Variants in ZNF385D observed in about 807,000 individuals in gnomAD.
The protein encoded by ZNF385D is zinc finger protein 385D, also known as zinc finger protein 659.
In ZNF385D, 15 loss-of-function variants were observed where a neutral mutation model predicts 35.8. That is an observed-to-expected ratio of 0.42 (90% CI 0.28 to 0.64). The LOEUF is 0.64. Among genes scored for constraint, ZNF385D ranks in the 30% least tolerant of loss-of-function variants. ZNF385D has a pLI of 0.23. For missense variants in ZNF385D, 474 were observed against 494.6 expected (o/e 0.96, Z 0.39); for synonymous variants, 212 against 186.8 (o/e 1.13, Z -1.10).
At chr3:22,044,659 C>A (rs1032145887) in intron 3 of ZNF385D, among the ~76,000 whole-genome samples, 3 of 151,980 alleles carry the variant, frequency 2.0e-5, no homozygotes, top group African/African-American at 7.3e-5. Flanking sequence ...ATACAGGGCA[C>A]AGATTTATCC....
intron 3 of ZNF385D, among the ~76,000 whole-genome samples, chr3:21,760,066 G>A (rs1281237531): frequency 6.6e-6 from 1 of 152,132 alleles, no homozygotes; most frequent in East Asian, 1.9e-4. Flanking sequence ...TGTGTAATGG[G>A]AAAACAAAAT....
At chr3:22,187,933 C>A (rs1157013298) in intron 2 of ZNF385D, among the ~76,000 whole-genome samples, 1 of 152,148 alleles carries the variant, frequency 6.6e-6, no homozygotes, top group Non-Finnish European at 1.5e-5. Flanking sequence ...ACACTCTACT[C>A]TCCAGAACCT....
At chr3:21,782,237 G>C (rs1178292825) in intron 3 of ZNF385D, among the ~76,000 whole-genome samples, 2 of 152,100 alleles carry the variant, frequency 1.3e-5, no homozygotes, top group African/African-American at 2.4e-5. Flanking sequence ...GAAGACAGCT[G>C]ATACTTAGTA....
chr3:21,884,452 T>A (rs1355372341), intron 3 of ZNF385D, among the ~76,000 whole-genome samples: 1 of 152,070 alleles, frequency 6.6e-6, no homozygotes, highest in Non-Finnish European at 1.5e-5. Context: ...TGCTATTAAG[T>A]TGGTTCTTGA....
chr3:21,949,056 T>C (rs949839631), intron 3 of ZNF385D, among the ~76,000 whole-genome samples: 2 of 152,212 alleles, frequency 1.3e-5, no homozygotes, highest in Non-Finnish European at 2.9e-5. Context: ...GCTCTTTAAC[T>C]TACATGTATT....
chr3:21,908,157 T>TATCTAC (rs1699788943), intron 3 of ZNF385D, among the ~76,000 whole-genome samples: 1 of 150,166 alleles, frequency 6.7e-6, no homozygotes, highest in African/African-American at 2.5e-5. Context: ...TATCTATCTA[T>TATCTAC]CTATCTATCT....
chr3:21,900,684 G>A (rs540823388), intron 3 of ZNF385D, among the ~76,000 whole-genome samples: 1 of 152,038 alleles, frequency 6.6e-6, no homozygotes, highest in African/African-American at 2.4e-5. Flanking sequence ...AAAAATAGTG[G>A]TATTAGCTTG....
chr3:22,028,491 C>A (rs972569475), intron 3 of ZNF385D, among the ~76,000 whole-genome samples: 11 of 152,160 alleles, frequency 7.2e-5, no homozygotes, highest in African/African-American at 2.7e-4. Context: ...CAATATGGCA[C>A]CATTCCTCGG....
chr3:21,774,755 T>C (rs996885366), intron 3 of ZNF385D, among the ~76,000 whole-genome samples: 2 of 151,934 alleles, frequency 1.3e-5, no homozygotes, highest in Non-Finnish European at 2.9e-5. Flanking sequence ...CTTTCCCAGT[T>C]CAGTACCTGT....
intron 3 of ZNF385D, among the ~76,000 whole-genome samples, chr3:22,001,919 C>T (rs1426747180): frequency 6.6e-6 from 1 of 151,688 alleles, no homozygotes; most frequent in South Asian, 2.1e-4. Context: ...ATATAACATA[C>T]TAAATCCTAT....
At chr3:22,365,732 G>T (rs1696628765) in intron 2 of ZNF385D, among the ~76,000 whole-genome samples, 1 of 152,014 alleles carries the variant, frequency 6.6e-6, no homozygotes. Flanking sequence ...GTTTGATATA[G>T]TTTCTTTTGT....
rs1171150476 is a variant in ZNF385D, at chr3:22,076,019, A to C, written c.325+92798T>G. ...AAATGCAAACTGCAAAATATATATG[A>C]AATTCATCCAGCTTTGTCTCCCCCA... On this transcript the variant is annotated intron_variant, in intron 3 of 5. Transcript: ENST00000494108. Among the ~76,000 whole-genome samples the C allele has an allele frequency of 2.0e-5, 3 of 151,944 alleles. No homozygotes were observed. In the East Asian group the frequency reaches 5.8e-4, roughly 29 times the overall value.
intron 2 of ZNF385D, among the ~76,000 whole-genome samples, chr3:22,213,762 AG>A (rs2125266050): frequency 6.6e-6 from 1 of 152,200 alleles, no homozygotes; most frequent in South Asian, 2.1e-4. Context: ...CTATCTCATC[AG>A]CACACCAGAA....
intron 2 of ZNF385D, among the ~76,000 whole-genome samples, chr3:22,316,241 A>T (rs1156825776): frequency 6.6e-6 from 1 of 152,190 alleles, no homozygotes; most frequent in Non-Finnish European, 1.5e-5. Flanking sequence ...TTCCATAAAA[A>T]ACCCCAGCCT....
At chr3:22,004,007 A>C (rs890045352) in intron 3 of ZNF385D, among the ~76,000 whole-genome samples, 16 of 152,344 alleles carry the variant, frequency 1.1e-4, no homozygotes, top group African/African-American at 3.8e-4. Flanking sequence ...TATACTATAA[A>C]GTTATAGTAA....
chr3:21,526,245 CT>C (rs1708214831), intron 3 of ZNF385D, among the ~76,000 whole-genome samples: 1 of 151,956 alleles, frequency 6.6e-6, no homozygotes, highest in African/African-American at 2.4e-5. Flanking sequence ...GTGCCTGTTC[CT>C]TAAAGTTGTT....
chr3:21,572,125 C>G (rs1198212221), intron 2 of ZNF385D, among the ~76,000 whole-genome samples: 1 of 152,144 alleles, frequency 6.6e-6, no homozygotes, highest in Non-Finnish European at 1.5e-5. Flanking sequence ...TGGACCCCAT[C>G]CTGACTCAGC....
intron 3 of ZNF385D, among the ~76,000 whole-genome samples, chr3:21,817,856 C>G (rs949324056): frequency 2.0e-5 from 3 of 152,176 alleles, no homozygotes; most frequent in Admixed American, 1.3e-4. Context: ...GTAAATCATG[C>G]TGCTATAAAG....
chr3:21,824,562 A>G (rs962969323), intron 3 of ZNF385D, among the ~76,000 whole-genome samples: 2 of 152,148 alleles, frequency 1.3e-5, no homozygotes, highest in African/African-American at 2.4e-5. Context: ...TCCTCATCAT[A>G]TATCAAAAAC....
Sources: gnomAD v4.1 joint callset for allele counts (sites outside exome capture counted in the v4.1 genomes callset) on GRCh38, gnomAD v4.1.1 for gene constraint, MANE v1.5 for transcripts, NCBI Gene and HGNC (gene_info 2026-07-23, HGNC 2026-07-21) for gene names.